The following SCLT1 variants were observed in gnomAD, a reference collection of about 807,000 sequenced individuals.
SCLT1 encodes sodium channel-associated protein 1.
Under a neutral mutation model 112.8 loss-of-function variants are expected in SCLT1, and 78 were observed. That is an observed-to-expected ratio of 0.69 (90% CI 0.58 to 0.83). SCLT1 has a LOEUF of 0.83. Ranked by LOEUF, SCLT1 falls within the 40% of genes least tolerant of loss-of-function variation. The probability of loss-of-function intolerance (pLI) is 0.00; values close to 1 mark genes in which losing one functional copy is unlikely to be tolerated. For synonymous variants in SCLT1, 257 were observed against 254.7 expected (o/e 1.01, Z -0.09); for missense variants, 747 against 770.4 (o/e 0.97, Z 0.36).
chr4:129,063,272 C>T (rs557005576), intron 2 of SCLT1, among the ~76,000 whole-genome samples: 13 of 152,336 alleles, frequency 8.5e-5, no homozygotes, highest in South Asian at 4.1e-4. Flanking sequence ...TCACCTCCTG[C>T]GGTCTTTACT....
At chr4:129,038,889 T>C in intron 5 of SCLT1, 152 bp downstream of exon 5, 1 of 632,092 alleles carries the variant, frequency 1.6e-6, no homozygotes, top group Admixed American at 2.8e-5. Flanking sequence ...GTCACACAGC[T>C]AACAAGTAAT....
intron 10 of SCLT1, among the ~76,000 whole-genome samples, chr4:128,969,555 C>G (rs1451057098): frequency 2.0e-5 from 3 of 151,956 alleles, no homozygotes; most frequent in Admixed American, 6.6e-5. Context: ...CTGGGTGACA[C>G]AGCGAGACTC....
At position 129,028,770 on chromosome 4, in the gene SCLT1, C is replaced by A. The variant is rs576205483; in HGVS notation, c.290+10271G>T. Among the ~76,000 whole-genome samples the A allele has an allele frequency of 4.6e-5, 7 of 152,110 alleles. No homozygotes were observed. The South Asian group carries it at 1.5e-3, about 32-fold the overall frequency. ...ACAAAAAGGGAGAAAATTGTTGCAA[C>A]CTACTCATCTGACAAAAGGCTAATA... On this transcript the variant is annotated intron_variant, in intron 5 of 20. Transcript: ENST00000281142.
chr4:129,069,813 G>A (rs531113639), intron 2 of SCLT1, among the ~76,000 whole-genome samples: 2 of 152,062 alleles, frequency 1.3e-5, no homozygotes, highest in Non-Finnish European at 2.9e-5. Context: ...TGGTAAGAGT[G>A]GGCATCCTCG....
intron 9 of SCLT1, among the ~76,000 whole-genome samples, chr4:128,981,750 G>GA (rs945994161): frequency 1.7e-3 from 250 of 147,000 alleles, no homozygotes; most frequent in Middle Eastern, 7.0e-3. Context: ...AAAAAAAAAA[G>GA]AAAAAAAAAG....
intron 18 of SCLT1, among the ~76,000 whole-genome samples, chr4:128,893,385 T>A (rs1195863335): frequency 6.6e-6 from 1 of 152,204 alleles, no homozygotes; most frequent in Admixed American, 6.5e-5. Context: ...TCATTATTCA[T>A]CTTTGTACTC....
intron 5 of SCLT1, among the ~76,000 whole-genome samples, chr4:129,021,791 G>T (rs957402144): frequency 5.3e-5 from 8 of 152,214 alleles, no homozygotes; most frequent in African/African-American, 1.9e-4. Context: ...TGACAAGAGG[G>T]ATTCTCCCAG....
chr4:128,994,269 T>C (rs181918546), intron 8 of SCLT1, among the ~76,000 whole-genome samples: 10 of 152,274 alleles, frequency 6.6e-5, no homozygotes, highest in Admixed American at 3.3e-4. Flanking sequence ...AGTAAAATCA[T>C]ACAGTGTTTA....
At chr4:128,906,154 T>C (rs535091921) in intron 18 of SCLT1, among the ~76,000 whole-genome samples, 1 of 152,374 alleles carries the variant, frequency 6.6e-6, no homozygotes, top group South Asian at 2.1e-4. Context: ...AAGTTTTTGC[T>C]AAGTACTTGC....
chr4:129,014,935 C>T (rs908164272), intron 5 of SCLT1, among the ~76,000 whole-genome samples: 6 of 151,810 alleles, frequency 4.0e-5, no homozygotes, highest in African/African-American at 7.3e-5. Context: ...CGTGGGTGGT[C>T]GTGCAGGTGG....
chr4:128,968,703 A>C (rs1344729567), intron 10 of SCLT1, among the ~76,000 whole-genome samples: 4 of 152,260 alleles, frequency 2.6e-5, no homozygotes, highest in Non-Finnish European at 4.4e-5. Context: ...TTGAGCATTA[A>C]ATTTTTATTT....
intron 9 of SCLT1, among the ~76,000 whole-genome samples, chr4:128,990,369 A>T (rs1013922196): frequency 6.6e-6 from 1 of 151,982 alleles, no homozygotes; most frequent in African/African-American, 2.4e-5. Context: ...ATGCTGAAAA[A>T]GTATTTGATA....
At position 129,073,087 on chromosome 4, in the gene SCLT1, A is replaced by G. The variant is rs1751165752; in HGVS notation, c.102+9219T>C. On this transcript the variant is annotated intron_variant, in intron 2 of 20. Transcript: ENST00000281142. ...TGCTATCTCTCTTCTGGATCTAGCCACCCAGCAAGTCTACTAGGCTCTGGG... is the reference window on the plus strand; with the variant it reads ...TGCTATCTCTCTTCTGGATCTAGCCGCCCAGCAAGTCTACTAGGCTCTGGG... Among the ~76,000 whole-genome samples, 2 of 151,982 alleles carry G rather than the reference A, an allele frequency of 1.3e-5. 1 individual carries two copies.
chr4:128,958,479 T>C (rs138612711), intron 12 of SCLT1, among the ~76,000 whole-genome samples: 50 of 152,252 alleles, frequency 3.3e-4, no homozygotes, highest in African/African-American at 1.1e-3. Flanking sequence ...TGAGCGTCTG[T>C]TGACTTAAGA....
chr4:129,008,426 T>C (rs776080363), intron 5 of SCLT1, among the ~76,000 whole-genome samples: 31 of 152,176 alleles, frequency 2.0e-4, no homozygotes, highest in Non-Finnish European at 1.5e-4. Flanking sequence ...ATAATCTCTG[T>C]TGTGAGAATT....
At position 128,876,097 on chromosome 4, in the gene SCLT1, T is replaced by TATG. The variant is rs1732513489; in HGVS notation, n.355+407_355+409dup. On this transcript the variant is annotated intron_variant and non_coding_transcript_variant, in intron 4 of 7. Coordinates refer to the SCLT1 transcript ENST00000503565. ...ATATAGTGAAATGCACCTTTTTCTTTATGTTGGGAACAGCAAAACTGGTGT... is the reference window on the plus strand; with the variant it reads ...ATATAGTGAAATGCACCTTTTTCTTTATGATGTTGGGAACAGCAAAACTGGTGT... 2.6e-5 allele frequency among the ~76,000 whole-genome samples: 4 copies of TATG among 152,300 alleles called. No homozygotes were observed. The South Asian group carries it at 8.3e-4, about 32-fold the overall frequency.
At chr4:128,879,886 T>C (rs1207452047), downstream of SCLT1, among the ~76,000 whole-genome samples, 1 of 152,218 alleles carries the variant, frequency 6.6e-6, no homozygotes, top group East Asian at 1.9e-4. Context: ...TATTTTATAT[T>C]ATGCTCTGAT....
chr4:128,928,148 A>G (rs1244290393), intron 18 of SCLT1, among the ~76,000 whole-genome samples: 1 of 152,072 alleles, frequency 6.6e-6, no homozygotes, highest in Non-Finnish European at 1.5e-5. Context: ...CAAAAACAAC[A>G]ACAAAATTCC....
chr4:129,057,256 A>G (rs1749487291), intron 2 of SCLT1, among the ~76,000 whole-genome samples: 1 of 152,076 alleles, frequency 6.6e-6, no homozygotes, highest in Non-Finnish European at 1.5e-5. Flanking sequence ...AGAATTTTCA[A>G]TCTATATTCA....
Sources: gnomAD v4.1 joint callset for allele counts (sites outside exome capture counted in the v4.1 genomes callset) on GRCh38, gnomAD v4.1.1 for gene constraint, MANE v1.5 for transcripts, NCBI Gene and HGNC (gene_info 2026-07-23, HGNC 2026-07-21) for gene names.